FGF14: variants seen among roughly 807,000 people sequenced by gnomAD.
FGF14 encodes the protein fibroblast growth factor homologous factor 4.
A neutral mutation model predicts 25.5 loss-of-function variants in FGF14; 5 were observed. The observed-to-expected ratio is 0.20, with a 90% CI of 0.10 to 0.41. FGF14 has a LOEUF of 0.41. FGF14 is among the 10% of genes least tolerant of loss of function. The pLI is 1.00. For synonymous variants in FGF14, 138 were observed against 118.3 expected (o/e 1.17, Z -1.08); for missense variants, 222 against 320.1 (o/e 0.69, Z 2.34).
At chr13:102,114,671 T>C (rs1394892930) in intron 1 of FGF14, among the ~76,000 whole-genome samples, 1 of 152,220 alleles carries the variant, frequency 6.6e-6, no homozygotes, top group East Asian at 1.9e-4. Context: ...AATCCTCTGA[T>C]ATGTGACAAC....
At chr13:101,918,332 C>T (rs1333404840), upstream of FGF14, among the ~76,000 whole-genome samples, 1 of 152,192 alleles carries the variant, frequency 6.6e-6, no homozygotes, top group East Asian at 1.9e-4. Flanking sequence ...TACTTTTCTC[C>T]TCTTCCCTTT....
intron 1 of FGF14, among the ~76,000 whole-genome samples, chr13:101,984,627 G>T (rs757392489): frequency 2.6e-5 from 4 of 152,122 alleles, no homozygotes; most frequent in Admixed American, 6.6e-5. Flanking sequence ...GCATTATTTT[G>T]TAAGTCCATC....
At chr13:102,082,236 GA>G (rs757564981) in intron 1 of FGF14, among the ~76,000 whole-genome samples, 2,046 of 115,706 alleles carry the variant, frequency 0.018, 32 homozygotes, top group African/African-American at 0.051. Context: ...GGGGCTTAAG[GA>G]AAAAAAAAAA....
intron 1 of FGF14, among the ~76,000 whole-genome samples, chr13:102,368,890 A>C (rs1402700177): frequency 1.3e-5 from 2 of 152,258 alleles, no homozygotes; most frequent in African/African-American, 2.4e-5. Flanking sequence ...AAGCTGAAGT[A>C]TAATGGATCC....
At chr13:101,767,915 ACT>A (rs1001026248) in intron 3 of FGF14, among the ~76,000 whole-genome samples, 2 of 152,192 alleles carry the variant, frequency 1.3e-5, no homozygotes, top group Non-Finnish European at 2.9e-5. Context: ...CAAATGAAGT[ACT>A]TTTGAATACA....
intron 3 of FGF14, among the ~76,000 whole-genome samples, chr13:101,812,641 ATATATATATATATTTTTTTTTTTTTTTTT>A (rs2041616057): frequency 9.2e-5 from 1 of 10,858 alleles, no homozygotes; most frequent in South Asian, 3.5e-3. Flanking sequence ...ATATATATAT[ATATATATATATATTTTTTTTTTTTTTTTT>A]TTTTTTTTTT....
At chr13:102,348,730 A>C (rs2057185340) in intron 1 of FGF14, among the ~76,000 whole-genome samples, 1 of 152,190 alleles carries the variant, frequency 6.6e-6, no homozygotes, top group South Asian at 2.1e-4. Context: ...AATGAATCAG[A>C]GAGATCAAGA....
At chr13:102,376,092 G>C (rs2058034137) in intron 1 of FGF14, among the ~76,000 whole-genome samples, 1 of 152,098 alleles carries the variant, frequency 6.6e-6, no homozygotes, top group African/African-American at 2.4e-5. Context: ...GATATGGTTT[G>C]GCTGTGTCCC....
intron 1 of FGF14, among the ~76,000 whole-genome samples, chr13:102,362,891 C>T (rs2139048961): frequency 6.6e-6 from 1 of 152,082 alleles, no homozygotes; most frequent in African/African-American, 2.4e-5. Context: ...TTTATCTAAT[C>T]ATATCATGAA....
chr13:102,386,647 A>AC (rs2058310969), intron 1 of FGF14, among the ~76,000 whole-genome samples: 1 of 152,104 alleles, frequency 6.6e-6, no homozygotes, highest in Non-Finnish European at 1.5e-5. Flanking sequence ...GAACTGAATG[A>AC]CCCTGACTTC....
chr13:101,750,646 CACCAGAAAAGATA>C (rs2037211310), intron 3 of FGF14, among the ~76,000 whole-genome samples: 1 of 152,042 alleles, frequency 6.6e-6, no homozygotes, highest in South Asian at 2.1e-4. Flanking sequence ...CTAGTATGGT[CACCAGAAAAGATA>C]ACTGACCATA....
chr13:102,117,164 A>AT (rs1396143079), intron 1 of FGF14, among the ~76,000 whole-genome samples: 16 of 151,850 alleles, frequency 1.1e-4, no homozygotes, highest in African/African-American at 3.4e-4. Flanking sequence ...TTTCTATAAT[A>AT]TTTTTTCTGG....
rs1380469270 is a variant in FGF14, at chr13:101,715,928, T to G, written c.*6903A>C. 2.8e-6 allele frequency: 1 copy of G among 357,644 alleles called. No homozygotes were observed. The highest frequency in any genetic ancestry group is 2.1e-5 in the African/African-American group (1 of 47,734). 22.2% of individuals were successfully genotyped at this position (357,644 alleles called of 1,614,324 possible). ...TCCACCCAAAAGTCATTTGGCAACA[T>G]CTACAGACAATTTTGATTGTCACAC... On this transcript the variant is annotated 3_prime_UTR_variant, in exon 5 of 5. Coordinates refer to ENST00000376143, the MANE Select transcript of FGF14 (RefSeq NM_004115.4).
At chr13:101,839,548 G>A (rs2043100461) in intron 3 of FGF14, among the ~76,000 whole-genome samples, 1 of 151,910 alleles carries the variant, frequency 6.6e-6, no homozygotes, top group Admixed American at 6.6e-5. Context: ...ATTTTTGTGG[G>A]TAAATAGTAG....
chr13:102,371,026 T>C (rs961771649), intron 1 of FGF14, among the ~76,000 whole-genome samples: 1 of 152,168 alleles, frequency 6.6e-6, no homozygotes, highest in African/African-American at 2.4e-5. Flanking sequence ...CCACTTCTAG[T>C]GCAACTACAC....
At chr13:102,349,392 G>A (rs1337605911) in intron 1 of FGF14, among the ~76,000 whole-genome samples, 4 of 152,086 alleles carry the variant, frequency 2.6e-5, no homozygotes, top group Admixed American at 6.5e-5. Flanking sequence ...TTTCTCAGGC[G>A]ACACAACCCT....
In FGF14 at chr13:101,930,830, C is replaced by G. The variant is rs374416344; in HGVS notation, c.209-55534G>C. 7.9e-5 allele frequency among the ~76,000 whole-genome samples: 12 copies of G among 152,276 alleles called. No individual in the cohort carries two copies. In the South Asian group the frequency reaches 2.3e-3, roughly 29 times the overall value. ...TGTTAAATCCACATTTATTCTTCTG[C>G]TCAAAAGTTTAGTAGGAAGGGGACT... is the stretch of plus-strand genomic sequence containing the variant. On this transcript the variant is annotated intron_variant, in intron 1 of 4. Coordinates refer to the FGF14 transcript ENST00000376131.
intron 1 of FGF14, among the ~76,000 whole-genome samples, chr13:102,115,922 C>T (rs1426545109): frequency 6.6e-6 from 1 of 152,094 alleles, no homozygotes; most frequent in African/African-American, 2.4e-5. Flanking sequence ...GACCAGCTGA[C>T]CAACATGGAG....
chr13:102,247,309 T>C lies in FGF14; in HGVS notation c.208+154162A>G, dbSNP rs147027912. Reference sequence around the variant, plus strand: ...CAGAGTGAACAGACAACCTACAGGATGGGAGAAAATATTTGCAAATTATGC... The same window carrying C: ...CAGAGTGAACAGACAACCTACAGGACGGGAGAAAATATTTGCAAATTATGC... On this transcript the variant is annotated intron_variant, in intron 1 of 4. Transcript: ENST00000376131. Among the ~76,000 whole-genome samples, 5 of 151,874 alleles carry C rather than the reference T, an allele frequency of 3.3e-5. No individual in the cohort carries two copies. The East Asian group carries it at 9.7e-4, about 30-fold the overall frequency.
Sources: gnomAD v4.1 joint callset for allele counts (sites outside exome capture counted in the v4.1 genomes callset) on GRCh38, gnomAD v4.1.1 for gene constraint, MANE v1.5 for transcripts, NCBI Gene and HGNC (gene_info 2026-07-23, HGNC 2026-07-21) for gene names.